MSMB: variants seen among roughly 807,000 people sequenced by gnomAD.
MSMB encodes beta-microseminoprotein.
In MSMB, 10 loss-of-function variants were observed where a neutral mutation model predicts 10.5. The ratio of observed to expected loss-of-function variants is 0.95; its 90% CI spans 0.59 to 1.62. The LOEUF (loss-of-function observed/expected upper bound fraction) is 1.62. Ranked by LOEUF, MSMB falls within the 40% of genes most tolerant of loss-of-function variation. The pLI is 0.00. For missense variants in MSMB, 126 were observed against 137.4 expected, an observed-to-expected ratio of 0.92 and a Z score of 0.42; for synonymous variants, 43 against 46.5, an observed-to-expected ratio of 0.93 and a Z score of 0.30.
intron 1 of MSMB, among the ~76,000 whole-genome samples, chr10:46,044,041 A>T (rs1216308411): frequency 6.6e-6 from 1 of 152,130 alleles, no homozygotes; most frequent in African/African-American, 2.4e-5. Context: ...GGAAGCTCCC[A>T]GGTGATGCCC....
intron 3 of MSMB, among the ~76,000 whole-genome samples, chr10:46,034,839 G>T (rs975614706): frequency 3.4e-5 from 5 of 149,058 alleles, no homozygotes; most frequent in Non-Finnish European, 6.0e-5. Context: ...AAAAAAAAAA[G>T]AAAATAAATG....
At position 46,033,547 on chromosome 10, in the gene MSMB, A is replaced by G; in HGVS notation, c.220T>C (p.Ser74Pro). 1 of 1,613,454 alleles carries G rather than the reference A, an allele frequency of 6.2e-7. No individual in the cohort carries two copies. Among genetic ancestry groups the G allele is most frequent in the Non-Finnish European group, 8.5e-7 (1 of 1,179,440 alleles). ...ETEISCCTLV[S>P]TPVGYDKDNC... is the part of the protein sequence containing the mutation. ...TCTTTGTCATAACCCACAGGTGTAG[A>G]AACACTGTCATTGAGACAAAACTGG... is the stretch of plus-strand genomic sequence containing the variant. Residue 74 changes from serine to proline, a missense_variant, in exon 4 of 4, where the codon TCT becomes CCT. By Grantham distance (74) the Ser-to-Pro change is moderately conservative. Coordinates refer to ENST00000582163, the MANE Select transcript of MSMB (RefSeq NM_002443.4).
At chr10:46,036,296 A>T (rs950443956) in intron 3 of MSMB, among the ~76,000 whole-genome samples, 3 of 152,212 alleles carry the variant, frequency 2.0e-5, no homozygotes, top group Non-Finnish European at 2.9e-5. Flanking sequence ...GAAAAAGCTT[A>T]ATCAAAGTCT....
chr10:46,034,054 T>G (rs1474395898), intron 3 of MSMB, among the ~76,000 whole-genome samples: 1 of 152,220 alleles, frequency 6.6e-6, no homozygotes, highest in Non-Finnish European at 1.5e-5. Context: ...TACAAATATT[T>G]TGAAGAGTTC....
intron 3 of MSMB, 70 bp downstream of exon 3, chr10:46,038,896 C>T (rs1840676845): frequency 1.5e-6 from 2 of 1,348,424 alleles, no homozygotes; most frequent in African/African-American, 1.5e-5. Flanking sequence ...TGGAATTTTG[C>T]AAGACGGAGT....
At chr10:46,039,942 C>A in intron 2 of MSMB, 44 bp downstream of exon 2, 1 of 1,443,728 alleles carries the variant, frequency 6.9e-7, no homozygotes. Flanking sequence ...GGTCCATCTA[C>A]CAGGCTGCAA....
chr10:46,039,120 A>C, intron 2 of MSMB, 49 bp from the exon 3 acceptor site: 1 of 1,524,662 alleles, frequency 6.6e-7, no homozygotes, highest in Non-Finnish European at 9.1e-7. Flanking sequence ...CAATGAGAAC[A>C]AGGCCTATCA....
At chr10:46,045,490 AC>A (rs1554929334) in intron 1 of MSMB, among the ~76,000 whole-genome samples, 15 of 152,212 alleles carry the variant, frequency 9.9e-5, no homozygotes, top group Non-Finnish European at 2.9e-5. Context: ...TCATGACTGC[AC>A]CACTGCACTC....
In MSMB at chr10:46,044,201, C is replaced by T. The variant is rs575659441; in HGVS notation, c.3+2034G>A. Among the ~76,000 whole-genome samples the T allele has an allele frequency of 1.2e-4, 18 of 152,238 alleles. No individual in the cohort carries two copies. In the South Asian group the frequency reaches 3.7e-3, roughly 32 times the overall value. ...AGCTCCTGATGTGTGCAGGAGATTA[C>T]ACCACGACGCCAGAATGGGCTAGGA... On this transcript the variant is annotated intron_variant, in intron 1 of 3. Transcript: ENST00000582163.
chr10:46,038,974 A>C lies in MSMB; in HGVS notation c.207T>G (p.Cys69Trp). The C allele has an allele frequency of 6.2e-7, 1 of 1,613,612 alleles. No individual in the cohort carries two copies. Among genetic ancestry groups the C allele is most frequent in the Non-Finnish European group, 8.5e-7 (1 of 1,179,636 alleles). ...ACTGGCTTGAGACTTACAGGGTGCA[A>C]CATGAAATTTCTGTTTCGTAGCAAG... ...TCTCYETEIS[C>W]CTLVSTPVGY... Residue 69 changes from cysteine (C) to tryptophan (W), a missense_variant, in exon 3 of 4, where the codon TGT becomes TGG. Cys to Trp is a radical substitution (Grantham distance 215). Coordinates refer to ENST00000582163, the MANE Select transcript of MSMB (RefSeq NM_002443.4).
chr10:46,045,072 C>T (rs1490106245), intron 1 of MSMB, among the ~76,000 whole-genome samples: 1 of 152,200 alleles, frequency 6.6e-6, no homozygotes, highest in Non-Finnish European at 1.5e-5. Flanking sequence ...GACCCTCTCC[C>T]ACCTCCCTTG....
chr10:46,035,886 A>G (rs7094791), intron 3 of MSMB, among the ~76,000 whole-genome samples: 64,473 of 152,070 alleles, frequency 0.42, 15,578 homozygotes, highest in African/African-American at 0.68. Flanking sequence ...CTTTTAGTTC[A>G]TGGTAGGAAG....
intron 3 of MSMB, among the ~76,000 whole-genome samples, 178 bp from the exon 4 acceptor site, chr10:46,033,729 G>T (rs1322685897): frequency 6.6e-6 from 1 of 152,224 alleles, no homozygotes; most frequent in Non-Finnish European, 1.5e-5. Context: ...GAGTCACACA[G>T]CTCACCCCTA....
chr10:46,043,423 C>T (rs1277104428), intron 1 of MSMB, among the ~76,000 whole-genome samples: 1 of 143,392 alleles, frequency 7.0e-6, no homozygotes, highest in African/African-American at 2.7e-5. Context: ...CTCCCTCCCT[C>T]CCTCCCTTTC....
At chr10:46,038,326 C>T (rs111234495) in intron 3 of MSMB, among the ~76,000 whole-genome samples, 11 of 151,556 alleles carry the variant, frequency 7.3e-5, no homozygotes, top group African/African-American at 2.2e-4. Flanking sequence ...CTCGCTCTGT[C>T]GCCCAGGCTG....
chr10:46,035,519 T>C (rs1355434219), intron 3 of MSMB, among the ~76,000 whole-genome samples: 2 of 152,160 alleles, frequency 1.3e-5, no homozygotes, highest in Non-Finnish European at 2.9e-5. Context: ...GAATGAACCT[T>C]GACAACATGC....
chr10:46,042,485 G>A (rs1453782426), intron 1 of MSMB, among the ~76,000 whole-genome samples: 3 of 152,144 alleles, frequency 2.0e-5, no homozygotes, highest in Non-Finnish European at 4.4e-5. Flanking sequence ...TTGAACAATC[G>A]TTAAGGAGAA....
At chr10:46,041,641 A>G (rs535031706) in intron 1 of MSMB, among the ~76,000 whole-genome samples, 5 of 152,100 alleles carry the variant, frequency 3.3e-5, no homozygotes, top group African/African-American at 1.2e-4. Context: ...AAAAAGTACA[A>G]AAGTTAGGTG....
intron 3 of MSMB, among the ~76,000 whole-genome samples, chr10:46,037,087 C>G (rs1157575485): frequency 6.6e-6 from 1 of 152,222 alleles, no homozygotes; most frequent in African/African-American, 2.4e-5. Context: ...ATGAGGCCTG[C>G]TCGATAAATG....
Sources: allele counts gnomAD v4.1 joint callset (sites outside exome capture counted in the v4.1 genomes callset), GRCh38; gene constraint gnomAD v4.1.1; transcripts MANE v1.5; gene names NCBI Gene and HGNC (gene_info 2026-07-23, HGNC 2026-07-21).